ALDH7A1: variants seen among roughly 807,000 people sequenced by gnomAD.
ALDH7A1 encodes aldehyde dehydrogenase 7 family member A1.
ALDH7A1 carries 63 observed loss-of-function variants against 79.9 expected under a neutral mutation model. The ratio of observed to expected loss-of-function variants is 0.79; its 90% CI spans 0.64 to 0.97. The LOEUF (loss-of-function observed/expected upper bound fraction) is 0.97, where lower values mean the gene tolerates loss of function less well. ALDH7A1 is among the 50% of genes least tolerant of loss of function. The probability of loss-of-function intolerance (pLI) is 0.00; values close to 1 mark genes in which losing one functional copy is unlikely to be tolerated. For synonymous variants in ALDH7A1, 240 were observed against 231.2 expected (o/e 1.04, Z -0.34); for missense variants, 627 against 665.2 (o/e 0.94, Z 0.63).
At chr5:126,590,672 C>T (rs1751523692) in intron 3 of ALDH7A1, among the ~76,000 whole-genome samples, 1 of 152,010 alleles carries the variant, frequency 6.6e-6, no homozygotes, top group South Asian at 2.1e-4. Flanking sequence ...ATCGTTTGAA[C>T]TTAGGAGTTC....
At chr5:126,547,277 T>C (rs1286690302) in intron 16 of ALDH7A1, among the ~76,000 whole-genome samples, 1 of 152,196 alleles carries the variant, frequency 6.6e-6, no homozygotes, top group African/African-American at 2.4e-5. Flanking sequence ...AACTCTTTTA[T>C]TGCACTTGAA....
chr5:126,554,309 C>T lies in ALDH7A1; in HGVS notation c.1178G>A (p.Gly393Asp). 6.2e-7 allele frequency: 1 copy of T among 1,614,016 alleles called. No individual in the cohort carries two copies. The highest frequency in any genetic ancestry group is 1.1e-5 in the South Asian group (1 of 91,066). The change falls in exon 13 of 18, where the codon GGC (glycine) becomes GAC (aspartate). Residue 393 changes from glycine to aspartate, a missense_variant. Transcript: ENST00000409134. ...GAVEEAKKEG[G>D]TVVYGGKVMD... The stretch of plus-strand genomic sequence containing the variant: ...TACCTTGCCCCCATAGACCACTGTG[C>T]CACCTTCTTTCTTTGCTTCTTCCAC...
intron 12 of ALDH7A1, chr5:126,555,113 G>A: frequency 6.4e-6 from 1 of 157,060 alleles, no homozygotes; most frequent in Non-Finnish European, 1.4e-5. Context: ...AAGGCAAGCG[G>A]GGCAGGAGGC....
intron 12 of ALDH7A1, chr5:126,555,160 A>C (rs1750145365): frequency 6.5e-6 from 1 of 153,732 alleles, no homozygotes; most frequent in Non-Finnish European, 1.4e-5. Context: ...GCCTGCAAAA[A>C]AGAAGAAATC....
intron 3 of ALDH7A1, among the ~76,000 whole-genome samples, chr5:126,590,745 G>C (rs994049739): frequency 1.4e-4 from 22 of 152,116 alleles, no homozygotes; most frequent in African/African-American, 2.2e-4. Context: ...AAATTAGCCA[G>C]GCATGGTGGT....
chr5:126,559,364 G>A (rs746716746), intron 10 of ALDH7A1, 30 bp from the exon 11 acceptor site: 35 of 1,522,084 alleles, frequency 2.3e-5, no homozygotes, highest in South Asian at 7.9e-5. Flanking sequence ...TTCCATCAGC[G>A]AACCAAAACA....
intron 15 of ALDH7A1, 85 bp downstream of exon 15, chr5:126,550,111 T>C: frequency 6.5e-7 from 1 of 1,537,612 alleles, no homozygotes; most frequent in East Asian, 2.3e-5. Context: ...ACTGAAAAAC[T>C]GATTTTAGAC....
chr5:126,589,951 C>A (rs1349244958), intron 3 of ALDH7A1, among the ~76,000 whole-genome samples: 1 of 150,198 alleles, frequency 6.7e-6, no homozygotes, highest in African/African-American at 2.5e-5. Flanking sequence ...AGTGCCTCTG[C>A]CCAGCTGCTG....
intron 9 of ALDH7A1, 154 bp from the exon 10 acceptor site, chr5:126,561,278 C>T (rs1192100649): frequency 2.1e-6 from 1 of 479,848 alleles, no homozygotes; most frequent in South Asian, 5.3e-5. Flanking sequence ...CTGATTACAC[C>T]CTATCCCAAT....
At chr5:126,557,907 C>T (rs954945390) in intron 11 of ALDH7A1, among the ~76,000 whole-genome samples, 1 of 151,960 alleles carries the variant, frequency 6.6e-6, no homozygotes, top group Non-Finnish European at 1.5e-5. Context: ...ATGGCTTCCA[C>T]CTGTAATCCC....
At chr5:126,549,852 G>T in intron 16 of ALDH7A1, 77 bp downstream of exon 16, 2 of 1,300,516 alleles carry the variant, frequency 1.5e-6, no homozygotes, top group Non-Finnish European at 2.2e-6. Flanking sequence ...CAGTCTCTTG[G>T]TCAGCCTTTT....
At chr5:126,569,208 G>C (rs1750695486) in intron 8 of ALDH7A1, 1 of 152,184 alleles carries the variant, frequency 6.6e-6, no homozygotes, top group African/African-American at 2.4e-5. Flanking sequence ...CTCCTTATGA[G>C]AATCTAACTA....
At chr5:126,570,554 C>T in intron 8 of ALDH7A1, 1 of 510,742 alleles carries the variant, frequency 2.0e-6, no homozygotes, top group South Asian at 2.0e-5. Flanking sequence ...GATATAAACA[C>T]CTTAACAAAT....
chr5:126,559,418 T>C (rs1750319103), intron 10 of ALDH7A1, 84 bp from the exon 11 acceptor site: 1 of 1,114,406 alleles, frequency 9.0e-7, no homozygotes, highest in Non-Finnish European at 1.3e-6. Flanking sequence ...AATGTTGTTT[T>C]TTGTTTTTGG....
intron 16 of ALDH7A1, among the ~76,000 whole-genome samples, chr5:126,547,639 T>C (rs2112748241): frequency 6.6e-6 from 1 of 152,310 alleles, no homozygotes; most frequent in Non-Finnish European, 1.5e-5. Context: ...GACAGAAACC[T>C]CTATCATAAT....
rs10676689 is a variant in ALDH7A1, at chr5:126,574,698, AAATAATAATAAT to A, written c.695+710_695+721del. ...TGACAGAGCAAGACTCCATCTCAAAAAATAATAATAATAATAATAATAATATTCTAATATGAA... is the reference window on the plus strand; with the variant it reads ...TGACAGAGCAAGACTCCATCTCAAAAAATAATAATAATATTCTAATATGAA... On this transcript the variant is annotated intron_variant, in intron 7 of 17. Transcript: ENST00000409134. 6.7e-5 allele frequency among the ~76,000 whole-genome samples: 10 copies of A among 149,982 alleles called. No homozygotes were observed. The East Asian group carries it at 1.9e-3, about 29-fold the overall frequency.
At chr5:126,573,205 T>C (rs574716560) in intron 7 of ALDH7A1, among the ~76,000 whole-genome samples, 6 of 152,080 alleles carry the variant, frequency 3.9e-5, no homozygotes, top group African/African-American at 1.2e-4. Context: ...ATTAAGTCAG[T>C]TCACTACTTC....
At chr5:126,593,489 A>G in intron 1 of ALDH7A1, 85 bp from the exon 2 acceptor site, 1 of 1,577,940 alleles carries the variant, frequency 6.3e-7, no homozygotes, top group Non-Finnish European at 8.7e-7. Context: ...AAGAAAAACA[A>G]GAGAGGAAAA....
At chr5:126,593,973 A>T (rs1751648840) in intron 1 of ALDH7A1, 1 of 281,168 alleles carries the variant, frequency 3.6e-6, no homozygotes, top group African/African-American at 2.2e-5. Context: ...ACTGATTACC[A>T]AAAGACGTGT....
Sources: allele counts gnomAD v4.1 joint callset (sites outside exome capture counted in the v4.1 genomes callset), GRCh38; gene constraint gnomAD v4.1.1; transcripts MANE v1.5; gene names NCBI Gene and HGNC (gene_info 2026-07-23, HGNC 2026-07-21).